MYO18B: variants seen among roughly 807,000 people sequenced by gnomAD.
The protein encoded by MYO18B is myosin XVIIIB.
A neutral mutation model predicts 273.0 loss-of-function variants in MYO18B; 204 were observed. The ratio of observed to expected loss-of-function variants is 0.75; its 90% CI spans 0.67 to 0.84. The LOEUF (loss-of-function observed/expected upper bound fraction) is 0.84, where lower values mean the gene tolerates loss of function less well. Ranked by LOEUF, MYO18B falls within the 40% of genes least tolerant of loss-of-function variation. The pLI is 0.00. For missense variants in MYO18B, 3,212 were observed against 3,287.6 expected, an observed-to-expected ratio of 0.98 and a Z score of 0.56; for synonymous variants, 1,330 against 1,305.7, an observed-to-expected ratio of 1.02 and a Z score of -0.40.
At chr22:25,873,408 C>G (rs2091102795) in intron 22 of MYO18B, among the ~76,000 whole-genome samples, 3 of 152,186 alleles carry the variant, frequency 2.0e-5, no homozygotes, top group African/African-American at 7.2e-5. Context: ...CCCACTGTCT[C>G]TGCCCCTCCT....
intron 16 of MYO18B, among the ~76,000 whole-genome samples, chr22:25,833,346 A>G (rs1215124259): frequency 6.6e-6 from 1 of 152,176 alleles, no homozygotes; most frequent in East Asian, 1.9e-4. Context: ...TGGCCTGGAA[A>G]GGTCAGATGT....
intron 25 of MYO18B, among the ~76,000 whole-genome samples, chr22:25,881,293 C>T (rs1319252283): frequency 2.0e-5 from 3 of 152,218 alleles, no homozygotes; most frequent in Non-Finnish European, 4.4e-5. Flanking sequence ...CAGGAAGGAC[C>T]ACATCCACAC....
At position 26,004,822 on chromosome 22, in the gene MYO18B, A is replaced by T; in HGVS notation, c.6437A>T (p.Gln2146Leu). 1.2e-6 allele frequency: 2 copies of T among 1,613,872 alleles called. No homozygotes were observed. The highest frequency in any genetic ancestry group is 2.2e-5 in the South Asian group (2 of 91,042). Residue 2146 changes from glutamine (Q) to leucine (L), a missense_variant, in exon 42 of 44, where the codon CAG becomes CTG. Gln to Leu is a moderately radical substitution (Grantham distance 113). Coordinates refer to ENST00000335473, the MANE Select transcript of MYO18B (RefSeq NM_032608.7). The stretch of plus-strand genomic sequence containing the variant: ...GATACTATGAGGACTCCTTCTCGAC[A>T]GTCAGCCACCAGCAGCCGCATCCTC... ...ATDTMRTPSR[Q>L]SATSSRILSP...
intron 12 of MYO18B, among the ~76,000 whole-genome samples, chr22:25,809,945 G>A (rs1282526706): frequency 2.0e-5 from 3 of 150,546 alleles, no homozygotes; most frequent in African/African-American, 4.9e-5. Flanking sequence ...TGAGGAATAC[G>A]TCAATGTTGT....
chr22:25,952,753 C>T (rs1461020656), intron 38 of MYO18B, among the ~76,000 whole-genome samples: 1 of 152,148 alleles, frequency 6.6e-6, no homozygotes, highest in African/African-American at 2.4e-5. Flanking sequence ...AGCCCTCAAC[C>T]CCTCTGTCTG....
intron 34 of MYO18B, among the ~76,000 whole-genome samples, chr22:25,945,093 T>G (rs5997006): frequency 0.82 from 125,190 of 152,100 alleles, 52,484 homozygotes; most frequent in Middle Eastern, 0.96. Context: ...TAAGTCGGTG[T>G]CTCTTAGCCT....
chr22:25,790,634 TA>T (rs1285395889), intron 11 of MYO18B, among the ~76,000 whole-genome samples: 2 of 152,232 alleles, frequency 1.3e-5, no homozygotes, highest in African/African-American at 2.4e-5. Context: ...GTTGAGTAAA[TA>T]AATGAACGAG....
At chr22:25,920,994 T>C (rs2092331968) in intron 33 of MYO18B, among the ~76,000 whole-genome samples, 1 of 152,188 alleles carries the variant, frequency 6.6e-6, no homozygotes, top group African/African-American at 2.4e-5. Context: ...GCAATGATAG[T>C]AACTCATATT....
intron 37 of MYO18B, among the ~76,000 whole-genome samples, chr22:25,951,947 C>T (rs973007185): frequency 3.3e-5 from 5 of 152,178 alleles, no homozygotes; most frequent in African/African-American, 7.2e-5. Context: ...GATGCTGTAG[C>T]TTGTTGCTCA....
At chr22:26,003,596 G>A (rs1382333415) in intron 41 of MYO18B, among the ~76,000 whole-genome samples, 1 of 152,146 alleles carries the variant, frequency 6.6e-6, no homozygotes, top group Non-Finnish European at 1.5e-5. Flanking sequence ...TTTGTATTCT[G>A]CACATTCAGA....
intron 1 of MYO18B, among the ~76,000 whole-genome samples, chr22:25,751,425 G>A (rs758542178): frequency 6.6e-6 from 1 of 152,202 alleles, no homozygotes; most frequent in Non-Finnish European, 1.5e-5. Flanking sequence ...GTACCTACTT[G>A]AGCCAGCTTC....
At chr22:25,772,958 A>G (rs577533781) in intron 7 of MYO18B, among the ~76,000 whole-genome samples, 145 of 152,300 alleles carry the variant, frequency 9.5e-4, no homozygotes, top group Non-Finnish European at 1.6e-3. Flanking sequence ...AACCCAGGAT[A>G]CAGGGCTCCT....
At chr22:25,966,278 TTTAA>T (rs2146709882) in intron 39 of MYO18B, among the ~76,000 whole-genome samples, 1 of 152,312 alleles carries the variant, frequency 6.6e-6, no homozygotes, top group South Asian at 2.1e-4. Context: ...TTTCATTTGC[TTTAA>T]TTTTTTTCCA....
chr22:25,932,077 A>G (rs1052711298), intron 34 of MYO18B, among the ~76,000 whole-genome samples: 2 of 152,086 alleles, frequency 1.3e-5, no homozygotes, highest in African/African-American at 4.8e-5. Context: ...CGTAGAGGCA[A>G]ATTGCTCAAA....
At position 25,746,949 on chromosome 22, in the gene MYO18B, G is replaced by A. The variant is rs569239407; in HGVS notation, c.-110+4656G>A. Reference sequence around the variant, plus strand: ...ATCCTGGCTAACACGGTGAAACCCCGTCTCTACTAAAAATGCAAAAAAATT... The same window carrying A: ...ATCCTGGCTAACACGGTGAAACCCCATCTCTACTAAAAATGCAAAAAAATT... On this transcript the variant is annotated intron_variant, in intron 1 of 43. Coordinates refer to ENST00000335473, the MANE Select transcript of MYO18B (RefSeq NM_032608.7). Among the ~76,000 whole-genome samples the A allele has an allele frequency of 3.5e-3, 525 of 152,144 alleles. 5 individuals carry two copies. The highest frequency in any genetic ancestry group is 0.012 in the African/African-American group (506 of 41,532).
chr22:26,027,410 A>C lies in MYO18B; in HGVS notation c.7436A>C (p.Glu2479Ala). ...TCAAGCATCCACTTTGAAACGGAAGAGGCTAACCGTTCCTTTCTCTCGGGG... is the reference window on the plus strand; with the variant it reads ...TCAAGCATCCACTTTGAAACGGAAGCGGCTAACCGTTCCTTTCTCTCGGGG... ...QRSSIHFETEEANRSFLSGIK... is the reference protein window; with the variant it reads ...QRSSIHFETEAANRSFLSGIK... The change falls in exon 43 of 44, where the codon GAG becomes GCG. Residue 2479 changes from glutamate (E) to alanine (A), a missense_variant. Physicochemically the swap from Glu to Ala is moderately radical, Grantham distance 107. Coordinates refer to ENST00000335473, the MANE Select transcript of MYO18B (RefSeq NM_032608.7). This position sits in a 1 kb window ranked among gnomAD's most constrained non-coding sequence, Gnocchi z 4.1. The C allele has an allele frequency of 2.5e-6, 4 of 1,613,990 alleles. No homozygotes were observed. The highest frequency in any genetic ancestry group is 3.4e-6 in the Non-Finnish European group (4 of 1,179,898).
At chr22:25,877,247 AC>A (rs1297056305) in intron 24 of MYO18B, 1 of 152,086 alleles carries the variant, frequency 6.6e-6, no homozygotes, top group Non-Finnish European at 1.5e-5. Context: ...GGAACCTAGC[AC>A]CTGGGTATCT....
intron 7 of MYO18B, among the ~76,000 whole-genome samples, chr22:25,776,824 C>G (rs994379501): frequency 3.9e-5 from 6 of 152,118 alleles, no homozygotes; most frequent in Admixed American, 1.3e-4. Context: ...GAGTGTGTAT[C>G]TCACTGTAGA....
rs191725109 is a variant in MYO18B at position 25,870,068 on chromosome 22, G to A, written c.3951+1683G>A. ...TTCCTGCTTTACAGATGAGGAAGCT[G>A]TGCCCCTGGGAAATAAGCCTCTTTT... is the stretch of plus-strand genomic sequence containing the variant. On this transcript the variant is annotated intron_variant, in intron 22 of 43. Transcript: ENST00000335473. Among the ~76,000 whole-genome samples the A allele has an allele frequency of 2.0e-5, 3 of 152,318 alleles. No homozygotes were observed. The East Asian group carries it at 5.8e-4, about 29-fold the overall frequency.
Sources: allele counts gnomAD v4.1 joint callset (sites outside exome capture counted in the v4.1 genomes callset), GRCh38; gene constraint gnomAD v4.1.1; non-coding constraint Gnocchi (gnomAD v3.1); transcripts MANE v1.5; gene names NCBI Gene and HGNC (gene_info 2026-07-23, HGNC 2026-07-21).